Variants in C1D observed in about 807,000 individuals in gnomAD.
C1D encodes the protein C1D nuclear receptor corepressor, also known as nuclear nucleic acid-binding protein C1D.
In C1D, 10 loss-of-function variants were observed where a neutral mutation model predicts 17.5. That is an observed-to-expected ratio of 0.57 (90% confidence interval 0.35 to 0.97). The LOEUF is 0.97. C1D is among the 50% of genes least tolerant of loss of function. The probability of loss-of-function intolerance (pLI) is 0.01; values close to 1 mark genes in which losing one functional copy is unlikely to be tolerated. For synonymous variants in C1D, 49 were observed against 54.0 expected, an observed-to-expected ratio of 0.91 and a Z score of 0.40; for missense variants, 136 against 160.1, an observed-to-expected ratio of 0.85 and a Z score of 0.81.
intron 3 of C1D, 76 bp from the exon 4 acceptor site, chr2:68,046,119 T>A: frequency 9.2e-7 from 1 of 1,081,934 alleles, no homozygotes; most frequent in South Asian, 1.5e-5. Flanking sequence ...AAACTAGTTA[T>A]TCACAAAAAA....
In C1D at chr2:68,041,684, T is replaced by C. The variant is rs887026793; in HGVS notation, c.*1205A>G. On this transcript the variant is annotated 3_prime_UTR_variant, in exon 5 of 5. Transcript: ENST00000410067. ...TTTTAAGACCATTTCCAATATCTGC[T>C]ATCATAAATCAAGAAATCCATTTAT... The C allele has an allele frequency of 2.6e-5, 4 of 152,042 alleles. No homozygotes were observed. The highest frequency in any genetic ancestry group is 7.2e-5 in the African/African-American group (3 of 41,444). The allele number at this position is 152,042 out of a possible 1,614,324, so 9.4% of individuals were successfully genotyped here. A position where few individuals can be genotyped will look rare whatever the true frequency, so the allele number is the denominator to read the frequency against.
rs576726991 is a variant in C1D, at chr2:68,050,907, C to T, written c.-9-3588G>A. Reference sequence around the variant, plus strand: ...CTGCAGTTTTCATCATTTCATTTCACGGCAACTTCAACTTTCCAATTGTTC... The same window carrying T: ...CTGCAGTTTTCATCATTTCATTTCATGGCAACTTCAACTTTCCAATTGTTC... On this transcript the variant is annotated intron_variant, in intron 1 of 4. Transcript: ENST00000410067. 2.0e-5 allele frequency among the ~76,000 whole-genome samples: 3 copies of T among 152,180 alleles called. No homozygotes were observed. In the South Asian group the frequency reaches 6.2e-4, roughly 32 times the overall value.
chr2:68,046,446 G>T, intron 2 of C1D, 36 bp from the exon 3 acceptor site: 2 of 1,381,608 alleles, frequency 1.4e-6, no homozygotes, highest in Non-Finnish European at 2.0e-6. Context: ...AAGAGAGAAA[G>T]TGAGACAGAA....
intron 1 of C1D, chr2:68,053,059 AC>A (rs1355542515): frequency 6.5e-7 from 1 of 1,550,202 alleles, no homozygotes; most frequent in Non-Finnish European, 8.7e-7. Context: ...AAAAGAACTC[AC>A]CCAGCTCTGC....
chr2:68,052,284 A>G (rs551935794), intron 1 of C1D, among the ~76,000 whole-genome samples: 1 of 152,316 alleles, frequency 6.6e-6, no homozygotes, highest in East Asian at 1.9e-4. Flanking sequence ...TTTCTCTGAA[A>G]AGAGACAAGG....
chr2:68,054,413 G>A lies in C1D; in HGVS notation c.-9-7094C>T, dbSNP rs577153726. Among the ~76,000 whole-genome samples the A allele has an allele frequency of 1.1e-4, 17 of 152,282 alleles. No individual in the cohort carries two copies. In the South Asian group the frequency reaches 3.5e-3, roughly 32 times the overall value. On this transcript the variant is annotated intron_variant, in intron 1 of 4. Transcript: ENST00000410067. ...GCAGGCTATGAAGGGAGGAACTCATGCTGGAACTCTTGGCTACTAGCTGAA... is the reference window on the plus strand; with the variant it reads ...GCAGGCTATGAAGGGAGGAACTCATACTGGAACTCTTGGCTACTAGCTGAA...
In C1D at chr2:68,054,981, A is replaced by ATTT. The variant is rs1558584701; in HGVS notation, c.-9-7663_-9-7662insAAA. Among the ~76,000 whole-genome samples, 49 of 143,224 alleles carry ATTT rather than the reference A, an allele frequency of 3.4e-4. No individual in the cohort carries two copies. In the East Asian group the frequency reaches 4.3e-3, roughly 12 times the overall value. 94.0% of individuals were successfully genotyped at this position (143,224 alleles called of 152,430 possible). On this transcript the variant is annotated intron_variant, in intron 1 of 4. Coordinates refer to ENST00000410067, the MANE Select transcript of C1D (RefSeq NM_173177.3). ...GCCCACATCCTTTCTTTTTTTTTTA[A>ATTT]AAAAAAAAAAAAGACTATTGCACTA...
chr2:68,048,862 G>T (rs150690672), intron 1 of C1D, among the ~76,000 whole-genome samples: 1 of 152,148 alleles, frequency 6.6e-6, no homozygotes, highest in East Asian at 1.9e-4. Context: ...GAAAAGCACA[G>T]ATCTACCAGC....
chr2:68,051,867 T>C (rs1202573310), intron 1 of C1D, among the ~76,000 whole-genome samples: 2 of 151,854 alleles, frequency 1.3e-5, no homozygotes, highest in African/African-American at 4.8e-5. Context: ...CAACCTTACA[T>C]TCCTCAATAT....
intron 1 of C1D, 103 bp from the exon 2 acceptor site, chr2:68,047,422 T>A: frequency 1.2e-6 from 1 of 804,196 alleles, no homozygotes; most frequent in Non-Finnish European, 1.9e-6. Context: ...TCAAAGGCAC[T>A]AAGAGTTAAA....
At chr2:68,049,452 A>ACTTT (rs1671222324) in intron 1 of C1D, among the ~76,000 whole-genome samples, 1 of 152,216 alleles carries the variant, frequency 6.6e-6, no homozygotes, top group Non-Finnish European at 1.5e-5. Context: ...ATTTTGAACC[A>ACTTT]ATAAATTTGA....
At chr2:68,060,450 T>G (rs1671589702) in intron 1 of C1D, among the ~76,000 whole-genome samples, 1 of 152,198 alleles carries the variant, frequency 6.6e-6, no homozygotes, top group South Asian at 2.1e-4. Context: ...GAGACCAGCC[T>G]GGCCAACATG....
At chr2:68,047,583 T>A (rs984991487) in intron 1 of C1D, among the ~76,000 whole-genome samples, 4 of 152,206 alleles carry the variant, frequency 2.6e-5, no homozygotes, top group African/African-American at 9.7e-5. Context: ...TTGTTTTGTT[T>A]TGTTTTGAGA....
At chr2:68,057,639 GAATA>G (rs1489411625) in intron 1 of C1D, among the ~76,000 whole-genome samples, 1 of 152,038 alleles carries the variant, frequency 6.6e-6, no homozygotes, top group East Asian at 1.9e-4. Flanking sequence ...AATTTTTAAA[GAATA>G]AAATATGTAA....
At chr2:68,050,583 T>C (rs1287388114) in intron 1 of C1D, among the ~76,000 whole-genome samples, 2 of 152,184 alleles carry the variant, frequency 1.3e-5, no homozygotes, top group South Asian at 2.1e-4. Context: ...GTTTCCTTTC[T>C]ATCTCACTGG....
intron 1 of C1D, among the ~76,000 whole-genome samples, chr2:68,050,613 G>C (rs999313891): frequency 6.6e-6 from 1 of 151,974 alleles, no homozygotes; most frequent in Non-Finnish European, 1.5e-5. Flanking sequence ...TGGTCTCTTC[G>C]ATGCATCCTT....
chr2:68,056,590 C>T (rs1297030704), intron 1 of C1D, among the ~76,000 whole-genome samples: 2 of 151,932 alleles, frequency 1.3e-5, no homozygotes, highest in Admixed American at 6.6e-5. Flanking sequence ...AAAAAAAGTA[C>T]ACACAACCCA....
chr2:68,044,501 G>T (rs1225231098), intron 4 of C1D, among the ~76,000 whole-genome samples: 1 of 152,218 alleles, frequency 6.6e-6, no homozygotes, highest in Non-Finnish European at 1.5e-5. Flanking sequence ...GAGGTCAGGA[G>T]ATCGAGACCA....
At chr2:68,051,249 T>C (rs570072663) in intron 1 of C1D, among the ~76,000 whole-genome samples, 1 of 152,338 alleles carries the variant, frequency 6.6e-6, no homozygotes, top group South Asian at 2.1e-4. Flanking sequence ...CCCGGCCTGG[T>C]GGCTCATGCC....
Sources: allele counts gnomAD v4.1 joint callset (sites outside exome capture counted in the v4.1 genomes callset), GRCh38; gene constraint gnomAD v4.1.1; transcripts MANE v1.5; gene names NCBI Gene and HGNC (gene_info 2026-07-23, HGNC 2026-07-21).